The following HSP90B1 variants were observed in gnomAD, a reference collection of about 807,000 sequenced individuals.
HSP90B1 encodes the protein endoplasmin.
Under a neutral mutation model 100.4 loss-of-function variants are expected in HSP90B1, and 27 were observed. The observed-to-expected ratio is 0.27, with a 90% CI of 0.20 to 0.37. The LOEUF is 0.37. Among genes scored for constraint, HSP90B1 ranks in the 10% least tolerant of loss-of-function variants. HSP90B1 has a pLI of 1.00. For missense variants in HSP90B1, 678 were observed against 960.5 expected, an observed-to-expected ratio of 0.71 and a Z score of 3.89; for synonymous variants, 304 against 330.8, an observed-to-expected ratio of 0.92 and a Z score of 0.88.
intron 16 of HSP90B1, 104 bp from the exon 17 acceptor site, chr12:103,947,207 G>A (rs1566168862): frequency 1.4e-6 from 2 of 1,404,256 alleles, no homozygotes. Context: ...TTAGTCTGTG[G>A]TTCTGAATAA....
chr12:103,933,848 G>T (rs1869831799), intron 4 of HSP90B1, 108 bp from the exon 5 acceptor site: 2 of 804,292 alleles, frequency 2.5e-6, no homozygotes, highest in Non-Finnish European at 2.0e-6. Context: ...TCTCAGTTTA[G>T]TTTTCTGTAT....
At position 103,947,367 on chromosome 12, in the gene HSP90B1, C is replaced by T. The variant is rs1157359780; in HGVS notation, c.2319C>T (p.Asp773=). 2 of 1,608,270 alleles carry T rather than the reference C, an allele frequency of 1.2e-6. No homozygotes were observed. The highest frequency in any genetic ancestry group is 1.7e-5 in the Admixed American group (1 of 59,934). The change falls in exon 17 of 18, where the codon GAC becomes GAT. Residue 773 remains aspartate (D), a synonymous_variant. Transcript: ENST00000299767. The part of the protein sequence containing the change: ...PEETAEDTTE[D]TEQDEDEEMD... Reference sequence around the variant, plus strand: ...AGACAGCAGAAGACACAACAGAAGACACAGAGCAAGACGAAGATGAAGAAA... The same window carrying T: ...AGACAGCAGAAGACACAACAGAAGATACAGAGCAAGACGAAGATGAAGAAA...
intron 5 of HSP90B1, 23 bp from the exon 6 acceptor site, chr12:103,937,672 T>C: frequency 8.1e-7 from 1 of 1,236,876 alleles, no homozygotes; most frequent in Non-Finnish European, 1.2e-6. Context: ...TAGGTGTCTC[T>C]AAACATCGAA....
chr12:103,941,378 G>T (rs369365152), intron 8 of HSP90B1, 32 bp from the exon 9 acceptor site: 1 of 1,607,008 alleles, frequency 6.2e-7, no homozygotes, highest in African/African-American at 1.3e-5. Context: ...CTCCTGTGTC[G>T]TTTGAATGAC....
chr12:103,934,735 C>G (rs1869861733), intron 5 of HSP90B1, among the ~76,000 whole-genome samples: 1 of 152,212 alleles, frequency 6.6e-6, no homozygotes, highest in Admixed American at 6.5e-5. Context: ...GAGTCTCACT[C>G]TTGTTGCCCA....
intron 5 of HSP90B1, among the ~76,000 whole-genome samples, chr12:103,937,149 A>G (rs2136214301): frequency 6.6e-6 from 1 of 152,338 alleles, no homozygotes; most frequent in East Asian, 1.9e-4. Context: ...GTGACTGTTG[A>G]GTACTTGGAA....
At chr12:103,941,986 G>C (rs1870094638) in intron 11 of HSP90B1, 89 bp downstream of exon 11, 1 of 955,408 alleles carries the variant, frequency 1.0e-6, no homozygotes, top group Admixed American at 1.8e-5. Flanking sequence ...ACCAGATTTT[G>C]GGTCTGGTCC....
Position 103,943,324 on chromosome 12 carries a change from T to G in HSP90B1, c.1890+5T>G. On this transcript the variant is annotated splice_donor_5th_base_variant and intron_variant, in intron 13 of 17. Coordinates refer to ENST00000299767, the MANE Select transcript of HSP90B1 (RefSeq NM_003299.3). The surrounding 1 kb of genome is among the most constrained non-coding windows in gnomAD (Gnocchi z 5.3). ...GATAAAGCCCTTAAGGACAAGGTAC[T>G]GTGGAAATTACAAATTGTGGAAATA... 6.2e-7 allele frequency: 1 copy of G among 1,612,114 alleles called. No homozygotes were observed. Among genetic ancestry groups the G allele is most frequent in the Non-Finnish European group, 8.5e-7 (1 of 1,179,044 alleles).
chr12:103,930,496 A>C lies in HSP90B1; in HGVS notation c.-20A>C. 4 of 1,600,140 alleles carry C rather than the reference A, an allele frequency of 2.5e-6. No individual in the cohort carries two copies. Among genetic ancestry groups the C allele is most frequent in the African/African-American group, 1.3e-5 (1 of 74,116 alleles). ...GGCTCCTGCGATCGAAGGGGACTTGAGACTCACCGGCCGCACGCCATGAGG... is the reference window on the plus strand; with the variant it reads ...GGCTCCTGCGATCGAAGGGGACTTGCGACTCACCGGCCGCACGCCATGAGG... On this transcript the variant is annotated 5_prime_UTR_variant, in exon 1 of 18. Coordinates refer to ENST00000299767, the MANE Select transcript of HSP90B1 (RefSeq NM_003299.3). The surrounding 1 kb of genome is among the most constrained non-coding windows in gnomAD (Gnocchi z 4.4).
chr12:103,941,823 C>T lies in HSP90B1; in HGVS notation c.1309-9C>T. The stretch of plus-strand genomic sequence containing the variant: ...TATTGCTCACTGAACTTTCTTTTGC[C>T]ATCTGAAGGTGGACTCAGATGATCT... On this transcript the variant is annotated splice_polypyrimidine_tract_variant and intron_variant, in intron 10 of 17. Coordinates refer to ENST00000299767, the MANE Select transcript of HSP90B1 (RefSeq NM_003299.3). The T allele has an allele frequency of 1.2e-6, 2 of 1,613,512 alleles. No homozygotes were observed. Among genetic ancestry groups the T allele is most frequent in the Non-Finnish European group, 1.7e-6 (2 of 1,179,514 alleles).
At chr12:103,934,651 T>C (rs1337567800) in intron 5 of HSP90B1, among the ~76,000 whole-genome samples, 1 of 152,248 alleles carries the variant, frequency 6.6e-6, no homozygotes, top group Non-Finnish European at 1.5e-5. Flanking sequence ...GCTCACTAGA[T>C]GAACAGAGTT....
rs1366197850 is a variant in HSP90B1, at chr12:103,938,353, A to C, written c.869A>C (p.Glu290Ala). Residue 290 changes from glutamate (E) to alanine (A), a missense_variant, in exon 7 of 18, where the codon GAG becomes GCG. Transcript: ENST00000299767. ...TTATTTCAACAGACTGAAACTGTTGAGGAGCCCATGGAGGAAGAAGAAGCA... is the reference window on the plus strand; with the variant it reads ...TTATTTCAACAGACTGAAACTGTTGCGGAGCCCATGGAGGAAGAAGAAGCA... ...YVWSSKTETV[E>A]EPMEEEEAAK... is the part of the protein sequence containing the mutation. The C allele has an allele frequency of 2.6e-6, 4 of 1,556,174 alleles. No homozygotes were observed. The highest frequency in any genetic ancestry group is 3.5e-6 in the Non-Finnish European group (4 of 1,147,536).
In HSP90B1 at chr12:103,932,855, T is replaced by A; in HGVS notation, c.324T>A (p.Ala108=). The A allele has an allele frequency of 6.2e-7, 1 of 1,600,022 alleles. No homozygotes were observed. Among genetic ancestry groups the A allele is most frequent in the Non-Finnish European group, 8.6e-7 (1 of 1,167,552 alleles). Residue 108 remains alanine (A), a synonymous_variant, in exon 4 of 18, where the codon GCT becomes GCA. Coordinates refer to ENST00000299767, the MANE Select transcript of HSP90B1 (RefSeq NM_003299.3). ...EIFLRELISN[A]SDALDKIRLI... ...TCCTGAGAGAACTGATTTCAAATGC[T>A]TCTGATGCTTTAGATAAGATAAGGC...
Position 103,943,133 on chromosome 12 carries a change from C to G in HSP90B1, c.1704C>G (p.Leu568=). Reference sequence around the variant, plus strand: ...AAAAGGGCTATGAAGTTATTTACCTCACAGAACCTGTGGATGAATACTGTA... The same window carrying G: ...AAAAGGGCTATGAAGTTATTTACCTGACAGAACCTGTGGATGAATACTGTA... The part of the protein sequence containing the change: ...LLKKGYEVIY[L]TEPVDEYCIQ... Residue 568 remains leucine (L), a synonymous_variant, in exon 13 of 18, where the codon CTC becomes CTG. Transcript: ENST00000299767. This position sits in a 1 kb window ranked among gnomAD's most constrained non-coding sequence, Gnocchi z 5.3. 1.2e-6 allele frequency: 2 copies of G among 1,614,080 alleles called. No individual in the cohort carries two copies. Among genetic ancestry groups the G allele is most frequent in the South Asian group, 2.2e-5 (2 of 91,076 alleles).
chr12:103,944,679 C>T (rs1382020409), intron 14 of HSP90B1, among the ~76,000 whole-genome samples: 1 of 152,040 alleles, frequency 6.6e-6, no homozygotes, highest in East Asian at 1.9e-4. Context: ...GTCTTAGCCT[C>T]CTGAGTAGCT....
chr12:103,935,073 T>C (rs1188762400), intron 5 of HSP90B1, among the ~76,000 whole-genome samples: 2 of 152,106 alleles, frequency 1.3e-5, no homozygotes, highest in Non-Finnish European at 2.9e-5. Flanking sequence ...GGAGACTCTT[T>C]GGGGGAAATA....
In HSP90B1 at chr12:103,940,682, T is replaced by G. The variant is rs563783092; in HGVS notation, c.1093-728T>G. Among the ~76,000 whole-genome samples the G allele has an allele frequency of 3.9e-5, 6 of 152,348 alleles. No homozygotes were observed. The East Asian group carries it at 1.2e-3, about 29-fold the overall frequency. ...ATGTGAGCCACACATGATTTGAAAT[T>G]TTTTAGAAGCCATACAAAAAAAGGA... On this transcript the variant is annotated intron_variant, in intron 8 of 17. Coordinates refer to ENST00000299767, the MANE Select transcript of HSP90B1 (RefSeq NM_003299.3).
rs769155689 is a variant in HSP90B1 at position 103,947,714 on chromosome 12, A to G, written c.*52A>G. 9 of 1,472,732 alleles carry G rather than the reference A, an allele frequency of 6.1e-6. No individual in the cohort carries two copies. Among genetic ancestry groups the G allele is most frequent in the Non-Finnish European group, 8.6e-6 (9 of 1,051,832 alleles). 91.2% of individuals were successfully genotyped at this position (1,472,732 alleles called of 1,614,324 possible). ...TGTGGAGAGGGAATGTGAAATTTACATCATTTCTTTTTGGGAGAGACTTGT... is the reference window on the plus strand; with the variant it reads ...TGTGGAGAGGGAATGTGAAATTTACGTCATTTCTTTTTGGGAGAGACTTGT... On this transcript the variant is annotated 3_prime_UTR_variant, in exon 18 of 18. Transcript: ENST00000299767.
chr12:103,936,857 A>T (rs1234471205), intron 5 of HSP90B1, among the ~76,000 whole-genome samples: 1 of 152,164 alleles, frequency 6.6e-6, no homozygotes, highest in African/African-American at 2.4e-5. Context: ...CCAGGGGCCT[A>T]GTCACTCACT....
Sources: allele counts gnomAD v4.1 joint callset (sites outside exome capture counted in the v4.1 genomes callset), GRCh38; gene constraint gnomAD v4.1.1; non-coding constraint Gnocchi (gnomAD v3.1); transcripts MANE v1.5; gene names NCBI Gene and HGNC (gene_info 2026-07-23, HGNC 2026-07-21).